The following SLC31A2 variants were observed in gnomAD, a reference collection of about 807,000 sequenced individuals.
SLC31A2 encodes protein SLC31A2.
A neutral mutation model predicts 14.4 loss-of-function variants in SLC31A2; 16 were observed. The observed-to-expected ratio is 1.11, with a 90% CI of 0.75 to 1.69. SLC31A2 has a LOEUF of 1.69. Among genes scored for constraint, SLC31A2 ranks in the 40% most tolerant of loss-of-function variants. The pLI, the probability that SLC31A2 is intolerant of heterozygous loss-of-function variation, is 0.00. For missense variants in SLC31A2, 140 were observed against 173.9 expected, an observed-to-expected ratio of 0.81 and a Z score of 1.10; for synonymous variants, 56 against 68.7, an observed-to-expected ratio of 0.82 and a Z score of 0.91.
At chr9:113,160,415 T>C (rs1300326702) in intron 2 of SLC31A2, among the ~76,000 whole-genome samples, 1 of 152,228 alleles carries the variant, frequency 6.6e-6, no homozygotes, top group African/African-American at 2.4e-5. Flanking sequence ...CGTGATATTT[T>C]GATACCTATA....
chr9:113,163,148 C>T lies in SLC31A2; in HGVS notation c.*231C>T, dbSNP rs80294726. The T allele has an allele frequency of 7.4e-3, 2,821 of 381,854 alleles. 58 individuals are homozygous for T. The highest frequency in any genetic ancestry group is 0.041 in the Admixed American group (926 of 22,592). The allele number at this position is 381,854 out of a possible 1,614,324, so 23.7% of individuals were successfully genotyped here. A position where few individuals can be genotyped will look rare whatever the true frequency, so the allele number is the denominator to read the frequency against. On this transcript the variant is annotated 3_prime_UTR_variant, in exon 4 of 4. Transcript: ENST00000259392. ...CCAGGCATGGTCTTGTGTCTTAAGACAGCTGCTGTGACCAAAGGGAGAATG... is the reference window on the plus strand; with the variant it reads ...CCAGGCATGGTCTTGTGTCTTAAGATAGCTGCTGTGACCAAAGGGAGAATG...
In SLC31A2 at chr9:113,161,617, C is replaced by T; in HGVS notation, c.182C>T (p.Ser61Phe). ...LNQVLVNLPT[S>F]ISQQTIAETD... ...CAGGTACTGGTGAACCTGCCAACCT[C>T]CATCAGCCAGCAGACCATCGCAGAG... Residue 61 changes from serine to phenylalanine, a missense_variant, in exon 3 of 4, where the codon TCC becomes TTC. Ser to Phe is a radical substitution (Grantham distance 155, BLOSUM62 -2). Coordinates refer to ENST00000259392, the MANE Select transcript of SLC31A2 (RefSeq NM_001860.3). 6.2e-7 allele frequency: 1 copy of T among 1,614,042 alleles called. No individual in the cohort carries two copies. Among genetic ancestry groups the T allele is most frequent in the Non-Finnish European group, 8.5e-7 (1 of 1,179,904 alleles).
At chr9:113,161,233 T>A in intron 2 of SLC31A2, 1 of 454,682 alleles carries the variant, frequency 2.2e-6, no homozygotes, top group Non-Finnish European at 3.9e-6. Flanking sequence ...ACGACAGATT[T>A]GTGCAGCCTG....
At chr9:113,162,125 G>A (rs959790295) in intron 3 of SLC31A2, 11 of 331,980 alleles carry the variant, frequency 3.3e-5, no homozygotes, top group African/African-American at 1.3e-4. Flanking sequence ...CTTCCCACTC[G>A]AATCAGGCAA....
chr9:113,152,697 G>T (rs1564132370), intron 1 of SLC31A2, among the ~76,000 whole-genome samples: 1 of 152,196 alleles, frequency 6.6e-6, no homozygotes, highest in Non-Finnish European at 1.5e-5. Context: ...AAGGGCCAAA[G>T]ACTTGTCCCA....
chr9:113,154,358 C>T (rs779606147), intron 1 of SLC31A2, among the ~76,000 whole-genome samples: 5 of 152,166 alleles, frequency 3.3e-5, no homozygotes, highest in Non-Finnish European at 5.9e-5. Flanking sequence ...CTCAAGGCCA[C>T]GCAGCTGGTT....
rs527890133 is a variant in SLC31A2, at chr9:113,159,617, C to G, written c.73+1824C>G. ...ACACTTCTGTGACCAGATGTGTAGGCTTTCCCTCAGTGACAACTTTTCTGA... is the reference window on the plus strand; with the variant it reads ...ACACTTCTGTGACCAGATGTGTAGGGTTTCCCTCAGTGACAACTTTTCTGA... On this transcript the variant is annotated intron_variant, in intron 2 of 3. Transcript: ENST00000259392. Among the ~76,000 whole-genome samples, 3 of 152,304 alleles carry G rather than the reference C, an allele frequency of 2.0e-5. No individual in the cohort carries two copies. The East Asian group carries it at 5.8e-4, about 29-fold the overall frequency.
chr9:113,157,951 A>G (rs1345128469), intron 2 of SLC31A2, 158 bp downstream of exon 2: 2 of 706,692 alleles, frequency 2.8e-6, no homozygotes, highest in Non-Finnish European at 5.2e-6. Flanking sequence ...TTCCATTTGT[A>G]ACCACTCCCC....
At position 113,163,131 on chromosome 9, in the gene SLC31A2, G is replaced by T; in HGVS notation, c.*214G>T. ...GCCAGCCTACGTAGGGCCCAGGCAT[G>T]GTCTTGTGTCTTAAGACAGCTGCTG... is the stretch of plus-strand genomic sequence containing the variant. On this transcript the variant is annotated 3_prime_UTR_variant, in exon 4 of 4. Coordinates refer to ENST00000259392, the MANE Select transcript of SLC31A2 (RefSeq NM_001860.3). 2.2e-6 allele frequency: 1 copy of T among 452,826 alleles called. No individual in the cohort carries two copies. Among genetic ancestry groups the T allele is most frequent in the East Asian group, 3.7e-5 (1 of 26,770 alleles). 28.1% of individuals were successfully genotyped at this position (452,826 alleles called of 1,614,324 possible).
rs561237332 is a variant in SLC31A2 at position 113,159,235 on chromosome 9, A to AT, written c.73+1444dup. 2.7e-4 allele frequency among the ~76,000 whole-genome samples: 41 copies of AT among 152,212 alleles called. No homozygotes were observed. In the South Asian group the frequency reaches 7.9e-3, roughly 29 times the overall value. Reference sequence around the variant, plus strand: ...AATCTCCACCTCCCAGGTTCAAGCAATTCTCTTGCCTCAGCCTACCGAGTA... The same window carrying AT: ...AATCTCCACCTCCCAGGTTCAAGCAATTTCTCTTGCCTCAGCCTACCGAGTA... On this transcript the variant is annotated intron_variant, in intron 2 of 3. Coordinates refer to ENST00000259392, the MANE Select transcript of SLC31A2 (RefSeq NM_001860.3).
chr9:113,156,158 C>T (rs747654133), intron 1 of SLC31A2: 4 of 517,526 alleles, frequency 7.7e-6, no homozygotes, highest in Admixed American at 5.8e-5. Context: ...TTGCCTCCAC[C>T]GGAACTCCTT....
intron 2 of SLC31A2, 70 bp from the exon 3 acceptor site, chr9:113,161,439 C>T: frequency 6.5e-6 from 9 of 1,384,294 alleles, no homozygotes; most frequent in South Asian, 4.8e-5. Context: ...ATTCCATGAA[C>T]AGGTGGAGGT....
At position 113,163,027 on chromosome 9, in the gene SLC31A2, C is replaced by A; in HGVS notation, c.*110C>A. 1 of 1,093,888 alleles carries A rather than the reference C, an allele frequency of 9.1e-7. No homozygotes were observed. The highest frequency in any genetic ancestry group is 1.2e-6 in the Non-Finnish European group (1 of 802,752). 67.8% of individuals were successfully genotyped at this position (1,093,888 alleles called of 1,614,324 possible). A position where few individuals can be genotyped will look rare whatever the true frequency, so the allele number is the denominator to read the frequency against. On this transcript the variant is annotated 3_prime_UTR_variant, in exon 4 of 4. Coordinates refer to ENST00000259392, the MANE Select transcript of SLC31A2 (RefSeq NM_001860.3). ...TGATGGCTATTCCTCCACCTTATTCCCAGCCCCTGGAAACTTTGAGCTGAA... is the reference window on the plus strand; with the variant it reads ...TGATGGCTATTCCTCCACCTTATTCACAGCCCCTGGAAACTTTGAGCTGAA...
chr9:113,152,790 G>A (rs1386724801), intron 1 of SLC31A2, among the ~76,000 whole-genome samples: 1 of 152,244 alleles, frequency 6.6e-6, no homozygotes, highest in East Asian at 1.9e-4. Context: ...TTCTGTGGGT[G>A]TTCAGGTCTA....
chr9:113,162,057 G>A, intron 3 of SLC31A2: 1 of 368,096 alleles, frequency 2.7e-6, no homozygotes, highest in Non-Finnish European at 5.1e-6. Context: ...ATCTGCAGCT[G>A]TCCTGAAGCA....
In SLC31A2 at chr9:113,151,377, C is replaced by G. The variant is rs1176764940; in HGVS notation, c.6+297C>G. ...GTGGGGGCGCGGTGGCTGAAGACAG[C>G]TGGGTCCGGGGCCCCCGGCCCCGGA... On this transcript the variant is annotated intron_variant, in intron 1 of 3. Coordinates refer to ENST00000259392, the MANE Select transcript of SLC31A2 (RefSeq NM_001860.3). This position sits in a 1 kb window ranked among gnomAD's most constrained non-coding sequence, Gnocchi z 4.2. Among the ~76,000 whole-genome samples, 3 of 151,102 alleles carry G rather than the reference C, an allele frequency of 2.0e-5. No individual in the cohort carries two copies. The highest frequency in any genetic ancestry group is 7.3e-5 in the African/African-American group (3 of 41,214).
At chr9:113,161,475 G>A in intron 2 of SLC31A2, 34 bp from the exon 3 acceptor site, 1 of 1,606,506 alleles carries the variant, frequency 6.2e-7, no homozygotes, top group Non-Finnish European at 8.5e-7. Flanking sequence ...GTGCTGGCCT[G>A]GCCAGGTCTC....
intron 1 of SLC31A2, among the ~76,000 whole-genome samples, chr9:113,154,433 C>G (rs1787707373): frequency 6.6e-6 from 1 of 152,188 alleles, no homozygotes; most frequent in African/African-American, 2.4e-5. Context: ...TAACCACTAG[C>G]CTTGCTGCCT....
Position 113,161,588 on chromosome 9 carries a change from CAACCAGGTACTGGTG to C in SLC31A2, c.158_172del (p.Gln53_Asn57del), listed in dbSNP as rs1830012996. On this transcript the variant is annotated inframe_deletion, in exon 3 of 4. Coordinates refer to ENST00000259392, the MANE Select transcript of SLC31A2 (RefSeq NM_001860.3). ...TCAAGGTTGGCAAAGCCAAGCTGCT[CAACCAGGTACTGGTG>C]AACCTGCCAACCTCCATCAGCCAGC... 6.2e-7 allele frequency: 1 copy of C among 1,614,044 alleles called. No homozygotes were observed. Among genetic ancestry groups the C allele is most frequent in the African/African-American group, 1.3e-5 (1 of 75,064 alleles).
Sources: allele counts gnomAD v4.1 joint callset (sites outside exome capture counted in the v4.1 genomes callset), GRCh38; gene constraint gnomAD v4.1.1; non-coding constraint Gnocchi (gnomAD v3.1); transcripts MANE v1.5; gene names NCBI Gene and HGNC (gene_info 2026-07-23, HGNC 2026-07-21).